The following NRG4 variants were observed in gnomAD, a reference collection of about 807,000 sequenced individuals.
The protein encoded by NRG4 is neuregulin 4.
Under a neutral mutation model 15.0 loss-of-function variants are expected in NRG4, and 10 were observed. The observed-to-expected ratio is 0.67, with a 90% CI of 0.41 to 1.13. The LOEUF is 1.13. Among genes scored for constraint, NRG4 ranks in the 50% most tolerant of loss-of-function variants. NRG4 has a pLI of 0.00. For synonymous variants in NRG4, 41 were observed against 50.1 expected, an observed-to-expected ratio of 0.82 and a Z score of 0.77; for missense variants, 139 against 140.2, an observed-to-expected ratio of 0.99 and a Z score of 0.04.
At chr15:75,936,783 AG>A (rs113385340), downstream of NRG4, 2,420 of 152,162 alleles carry the variant, frequency 0.016, 62 homozygotes, top group African/African-American at 0.055. Flanking sequence ...TGTGTTGGTC[AG>A]GCTGGCCTCA....
intron 4 of NRG4, among the ~76,000 whole-genome samples, chr15:76,036,378 A>G (rs897816369): frequency 6.6e-6 from 1 of 152,266 alleles, no homozygotes; most frequent in African/African-American, 2.4e-5. Flanking sequence ...ACCTATAAAT[A>G]TACTCAAGTC....
intron 3 of NRG4, 111 bp downstream of exon 3, chr15:76,009,089 G>T: frequency 1.4e-6 from 1 of 700,798 alleles, no homozygotes; most frequent in East Asian, 2.6e-5. Flanking sequence ...ATATGAATAT[G>T]CCTCACATCT....
intron 5 of NRG4, among the ~76,000 whole-genome samples, chr15:76,028,923 A>C (rs1041423065): frequency 4.6e-5 from 7 of 151,626 alleles, no homozygotes; most frequent in South Asian, 2.1e-4. Context: ...AAAAAAAAAA[A>C]AAAACTGTGA....
intron 3 of NRG4, among the ~76,000 whole-genome samples, chr15:75,962,375 A>G (rs2032566211): frequency 6.6e-6 from 1 of 152,200 alleles, no homozygotes; most frequent in African/African-American, 2.4e-5. Context: ...TTCCAACCCC[A>G]TTCATTAAAT....
intron 4 of NRG4, among the ~76,000 whole-genome samples, chr15:76,050,478 A>C (rs1279697983): frequency 1.9e-5 from 2 of 104,144 alleles, no homozygotes; most frequent in African/African-American, 8.3e-5. Flanking sequence ...GTCTCACTCT[A>C]TTGCCCTGGC....
chr15:75,967,794 C>T (rs543796571), intron 3 of NRG4, among the ~76,000 whole-genome samples: 1 of 151,886 alleles, frequency 6.6e-6, no homozygotes, highest in Non-Finnish European at 1.5e-5. Context: ...TTGACTGTTA[C>T]CCAGATAATT....
In NRG4 at chr15:75,961,872, C is replaced by T. The variant is rs758847007; in HGVS notation, c.207G>A (p.Ala69=). The change falls in exon 4 of 6, where the codon GCG becomes GCA. Residue 69 remains alanine (A), a synonymous_variant. Coordinates refer to ENST00000394907, the MANE Select transcript of NRG4 (RefSeq NM_138573.4). Reference sequence around the variant, plus strand: ...CTCCAATGATAAGTGTTACTAGGACCGCCAATGCCACAAAAGCTTCAAACA... The same window carrying T: ...CTCCAATGATAAGTGTTACTAGGACTGCCAATGCCACAAAAGCTTCAAACA... ...SNLFEAFVAL[A]VLVTLIIGAF... The T allele has an allele frequency of 4.2e-5, 67 of 1,613,396 alleles. No homozygotes were observed. In the East Asian group the frequency reaches 5.1e-4, roughly 12 times the overall value.
At chr15:76,059,689 G>A (rs982856020) in exon 1 of NRG4, 5 of 151,522 alleles carry the variant, frequency 3.3e-5, no homozygotes, top group Admixed American at 2.0e-4. Context: ...TGGCAGCCCC[G>A]GAGACAGCCG....
chr15:75,952,547 A>G lies in NRG4; in HGVS notation c.331+3385T>C, dbSNP rs144205732. Reference sequence around the variant, plus strand: ...ATAAATAATGCTGCTATGTGCTACGAACATTCATGTGCATTTTTTTTTCTT... The same window carrying G: ...ATAAATAATGCTGCTATGTGCTACGGACATTCATGTGCATTTTTTTTTCTT... On this transcript the variant is annotated intron_variant, in intron 5 of 5. Coordinates refer to ENST00000394907, the MANE Select transcript of NRG4 (RefSeq NM_138573.4). 2.8e-5 allele frequency among the ~76,000 whole-genome samples: 4 copies of G among 145,120 alleles called. No homozygotes were observed. The East Asian group carries it at 8.3e-4, about 30-fold the overall frequency.
intron 5 of NRG4, among the ~76,000 whole-genome samples, chr15:76,029,997 G>A (rs562199298): frequency 2.0e-5 from 3 of 152,272 alleles, no homozygotes; most frequent in African/African-American, 7.2e-5. Context: ...GGTGGCTCAT[G>A]TCTGTAATCC....
chr15:76,022,446 A>G (rs1567115841), intron 5 of NRG4, among the ~76,000 whole-genome samples: 1 of 152,086 alleles, frequency 6.6e-6, no homozygotes, highest in Non-Finnish European at 1.5e-5. Context: ...ACACACACAC[A>G]CACACACACA....
At chr15:76,011,646 A>G (rs966035854) in intron 1 of NRG4, among the ~76,000 whole-genome samples, 25 of 152,178 alleles carry the variant, frequency 1.6e-4, no homozygotes, top group African/African-American at 6.0e-4. Flanking sequence ...AGTAAGTAAA[A>G]CTGAATGAAC....
At chr15:75,988,619 C>A (rs1287305501) in intron 3 of NRG4, among the ~76,000 whole-genome samples, 1 of 152,034 alleles carries the variant, frequency 6.6e-6, no homozygotes, top group African/African-American at 2.4e-5. Flanking sequence ...AATGAAGAGC[C>A]CTTTATATTC....
upstream of NRG4, among the ~76,000 whole-genome samples, chr15:76,015,729 G>A (rs1171272539): frequency 2.6e-5 from 4 of 152,158 alleles, no homozygotes; most frequent in Non-Finnish European, 5.9e-5. Flanking sequence ...TTTTTGACAT[G>A]CTGTTGGATT....
chr15:75,974,519 A>G (rs1393733464), intron 3 of NRG4, among the ~76,000 whole-genome samples: 1 of 152,010 alleles, frequency 6.6e-6, no homozygotes, highest in Non-Finnish European at 1.5e-5. Flanking sequence ...CCCTCTAAAC[A>G]CTGCTTTTGC....
chr15:76,006,224 A>C (rs1053889804), intron 3 of NRG4, among the ~76,000 whole-genome samples: 4 of 152,216 alleles, frequency 2.6e-5, no homozygotes, highest in African/African-American at 9.6e-5. Context: ...AGGGCAATAA[A>C]GAGTCAAATA....
chr15:75,967,936 A>C (rs2032896741), intron 3 of NRG4, among the ~76,000 whole-genome samples: 1 of 152,208 alleles, frequency 6.6e-6, no homozygotes, highest in South Asian at 2.1e-4. Context: ...AAGGACTATA[A>C]TTTCTTAGCT....
chr15:76,037,886 C>G (rs1051667950), intron 4 of NRG4, among the ~76,000 whole-genome samples: 4 of 152,146 alleles, frequency 2.6e-5, no homozygotes, highest in African/African-American at 9.7e-5. Context: ...GGAATTTTGT[C>G]TTGCACCTTG....
At chr15:76,060,188 G>C (rs1316028254), upstream of NRG4, among the ~76,000 whole-genome samples, 2 of 151,984 alleles carry the variant, frequency 1.3e-5, no homozygotes, top group East Asian at 3.9e-4. Flanking sequence ...CCAGGCGAGG[G>C]TGCGTGGGGC....
Sources: gnomAD v4.1 joint callset for allele counts (sites outside exome capture counted in the v4.1 genomes callset) on GRCh38, gnomAD v4.1.1 for gene constraint, MANE v1.5 for transcripts, NCBI Gene and HGNC (gene_info 2026-07-23, HGNC 2026-07-21) for gene names.